FOXP2: variants seen among roughly 807,000 people sequenced by gnomAD.
FOXP2 encodes the protein forkhead box P2.
FOXP2 carries 12 observed loss-of-function variants against 115.8 expected under a neutral mutation model. The ratio of observed to expected loss-of-function variants is 0.10; its 90% CI spans 0.07 to 0.17. The LOEUF is 0.17. Among genes scored for constraint, FOXP2 ranks in the 10% least tolerant of loss-of-function variants. The pLI is 1.00. For missense variants in FOXP2, 629 were observed against 843.5 expected (o/e 0.75, Z 3.15); for synonymous variants, 328 against 297.7 (o/e 1.10, Z -1.05).
intron 7 of FOXP2, among the ~76,000 whole-genome samples, 175 bp downstream of exon 7, chr7:114,642,798 A>ATT: frequency 2.6e-5 from 1 of 37,990 alleles, no homozygotes; most frequent in East Asian, 8.2e-4. Flanking sequence ...ATATATATAT[A>ATT]TATATATATA....
intron 3 of FOXP2, among the ~76,000 whole-genome samples, chr7:114,542,850 G>T (rs1412168994): frequency 6.6e-6 from 1 of 151,114 alleles, no homozygotes; most frequent in South Asian, 2.1e-4. Flanking sequence ...TAGTGCAGTG[G>T]CAAGATTTCC....
intron 3 of FOXP2, among the ~76,000 whole-genome samples, chr7:114,600,529 G>A (rs1028336729): frequency 6.6e-6 from 1 of 152,160 alleles, no homozygotes; most frequent in Non-Finnish European, 1.5e-5. Context: ...GGATAAATAT[G>A]TGAGAGCACA....
chr7:114,635,805 C>T (rs1255667906), intron 6 of FOXP2, among the ~76,000 whole-genome samples: 4 of 151,976 alleles, frequency 2.6e-5, no homozygotes, highest in African/African-American at 9.7e-5. Context: ...AGTGTGTCAA[C>T]TTTGCCATAT....
chr7:114,246,937 A>T (rs1256624392), intron 1 of FOXP2, among the ~76,000 whole-genome samples: 1 of 152,176 alleles, frequency 6.6e-6, no homozygotes, highest in Non-Finnish European at 1.5e-5. Flanking sequence ...ATATTGTATC[A>T]CATAGAATTG....
At chr7:114,200,029 TA>T (rs1342469708) in intron 1 of FOXP2, among the ~76,000 whole-genome samples, 2 of 152,224 alleles carry the variant, frequency 1.3e-5, no homozygotes, top group African/African-American at 4.8e-5. Flanking sequence ...TTTAATAGCT[TA>T]AAAATTGTAA....
chr7:114,212,126 T>TAAAATAAAATAAAATAA (rs1242413835), intron 1 of FOXP2, among the ~76,000 whole-genome samples: 1 of 110,904 alleles, frequency 9.0e-6, no homozygotes, highest in African/African-American at 2.9e-5. Flanking sequence ...AAATAAAATA[T>TAAAATAAAATAAAATAA]ATATATATAT....
chr7:114,183,135 A>G (rs1159098397), intron 1 of FOXP2, among the ~76,000 whole-genome samples: 1 of 152,158 alleles, frequency 6.6e-6, no homozygotes, highest in African/African-American at 2.4e-5. Flanking sequence ...CAAGAAAAAA[A>G]CAAAAATGTT....
chr7:114,347,030 A>G (rs935623213), intron 2 of FOXP2, among the ~76,000 whole-genome samples: 1 of 151,934 alleles, frequency 6.6e-6, no homozygotes, highest in African/African-American at 2.4e-5. Context: ...TAAAAATTAA[A>G]TAAATAAGCT....
At chr7:114,677,778 C>T (rs991589288) in intron 16 of FOXP2, among the ~76,000 whole-genome samples, 3 of 152,178 alleles carry the variant, frequency 2.0e-5, no homozygotes, top group Admixed American at 1.3e-4. Context: ...GCCTGTAAAA[C>T]GGTGAGATTA....
At chr7:114,378,529 T>A (rs771900099) in intron 2 of FOXP2, among the ~76,000 whole-genome samples, 46 of 150,946 alleles carry the variant, frequency 3.0e-4, no homozygotes, top group Non-Finnish European at 5.5e-4. Flanking sequence ...ACAAAAAATC[T>A]AAAAATTAAC....
At chr7:114,189,162 A>G (rs1056039300) in intron 1 of FOXP2, among the ~76,000 whole-genome samples, 3 of 152,176 alleles carry the variant, frequency 2.0e-5, no homozygotes, top group African/African-American at 7.2e-5. Context: ...ACTTTATTTC[A>G]TAATAACATT....
chr7:114,163,562 G>A (rs2129151117), intron 1 of FOXP2, among the ~76,000 whole-genome samples: 1 of 152,176 alleles, frequency 6.6e-6, no homozygotes, highest in Admixed American at 6.5e-5. Context: ...GAATTGAACT[G>A]AATTTTTATC....
At chr7:114,223,573 C>T (rs972681154) in intron 1 of FOXP2, among the ~76,000 whole-genome samples, 3 of 144,480 alleles carry the variant, frequency 2.1e-5, no homozygotes, top group African/African-American at 5.0e-5. Flanking sequence ...ACATATTATA[C>T]CAGTTTATGG....
intron 2 of FOXP2, among the ~76,000 whole-genome samples, chr7:114,396,542 AT>A (rs993031330): frequency 1.5e-4 from 22 of 151,192 alleles, no homozygotes; most frequent in African/African-American, 2.2e-4. Flanking sequence ...CCTATTTTTA[AT>A]TTTTTTTTAG....
At chr7:114,683,181 T>C (rs1273389767) in intron 16 of FOXP2, among the ~76,000 whole-genome samples, 1 of 152,188 alleles carries the variant, frequency 6.6e-6, no homozygotes, top group Non-Finnish European at 1.5e-5. Context: ...ATCTTCTCTA[T>C]TAGAATTAGT....
At chr7:114,477,425 G>T (rs1796326248) in intron 2 of FOXP2, among the ~76,000 whole-genome samples, 1 of 151,906 alleles carries the variant, frequency 6.6e-6, no homozygotes, top group African/African-American at 2.4e-5. Flanking sequence ...AATCCCACAT[G>T]TCCTCACTTA....
chr7:114,645,862 C>T (rs1261175089), intron 8 of FOXP2: 2 of 151,800 alleles, frequency 1.3e-5, no homozygotes, highest in African/African-American at 2.4e-5. Flanking sequence ...ATTTTTTTAA[C>T]CTTTTATCAT....
chr7:114,240,272 G>A (rs1256868195), intron 1 of FOXP2, among the ~76,000 whole-genome samples: 2 of 152,032 alleles, frequency 1.3e-5, no homozygotes, highest in Non-Finnish European at 2.9e-5. Context: ...TCCTCTGGTT[G>A]TTAAAAATAA....
intron 3 of FOXP2, among the ~76,000 whole-genome samples, chr7:114,626,258 T>C (rs1804576621): frequency 6.6e-6 from 1 of 151,792 alleles, no homozygotes; most frequent in Non-Finnish European, 1.5e-5. Flanking sequence ...ATTTGCTCAT[T>C]TATCAAATCG....
Sources: allele counts gnomAD v4.1 joint callset (sites outside exome capture counted in the v4.1 genomes callset), GRCh38; gene constraint gnomAD v4.1.1; transcripts MANE v1.5; gene names NCBI Gene and HGNC (gene_info 2026-07-23, HGNC 2026-07-21).